The following CELF2 variants were observed in gnomAD, a reference collection of about 807,000 sequenced individuals.
The protein encoded by CELF2 is CUG triplet repeat RNA-binding protein 2.
CELF2 carries 8 observed loss-of-function variants against 62.6 expected under a neutral mutation model. The ratio of observed to expected loss-of-function variants is 0.13; its 90% CI spans 0.07 to 0.23. CELF2 has a LOEUF of 0.23. Among genes scored for constraint, CELF2 ranks in the 10% least tolerant of loss-of-function variants. The pLI is 1.00. For synonymous variants in CELF2, 258 were observed against 250.0 expected (o/e 1.03, Z -0.30); for missense variants, 333 against 671.0 (o/e 0.50, Z 5.56).
At chr10:10,544,104 C>T in the CELF2 span, among the ~76,000 whole-genome samples, 13 of 152,294 alleles carry the variant, frequency 8.5e-5, no homozygotes, top group South Asian at 2.7e-3. Context: ...CAGCATTCCA[C>T]CTATGAACGT....
At chr10:10,561,973 T>G in the CELF2 span, among the ~76,000 whole-genome samples, 4 of 152,166 alleles carry the variant, frequency 2.6e-5, no homozygotes, top group Non-Finnish European at 5.9e-5. Context: ...TAGAGAGTGA[T>G]GCGATACCAG....
At chr10:10,691,727 T>C in the CELF2 span, among the ~76,000 whole-genome samples, 2 of 146,426 alleles carry the variant, frequency 1.4e-5, no homozygotes, top group Non-Finnish European at 3.0e-5. Flanking sequence ...TATCTCATTG[T>C]GGTTTTGATT....
At chr10:11,085,431 A>G (rs1393880280) in intron 1 of CELF2, among the ~76,000 whole-genome samples, 1 of 152,248 alleles carries the variant, frequency 6.6e-6, no homozygotes, top group Non-Finnish European at 1.5e-5. Flanking sequence ...GTGAATGAAG[A>G]GTCCAGGAGA....
chr10:10,527,319 C>T, the CELF2 span, among the ~76,000 whole-genome samples: 9 of 152,056 alleles, frequency 5.9e-5, no homozygotes, highest in Admixed American at 5.2e-4. Flanking sequence ...GTGGCATGCG[C>T]CTGTAGTCCA....
rs988221270 is a variant in CELF2, at chr10:11,098,075, A to G, written c.75-67411A>G. 2 of 152,410 alleles carry G rather than the reference A, an allele frequency of 1.3e-5. No homozygotes were observed. Among genetic ancestry groups the G allele is most frequent in the Non-Finnish European group, 2.9e-5 (2 of 68,166 alleles). The allele number at this position is 152,410 out of a possible 1,614,324, so 9.4% of individuals were successfully genotyped here. ...AGGGCTGTCCCTGGGTACTCACCAG[A>G]AAAGCAAATTCAGGATGATGTGAGA... On this transcript the variant is annotated intron_variant, in intron 1 of 12. Transcript: ENST00000633077. This position sits in a 1 kb window ranked among gnomAD's most constrained non-coding sequence, Gnocchi z 4.0.
At chr10:10,577,252 G>C in the CELF2 span, among the ~76,000 whole-genome samples, 1 of 152,050 alleles carries the variant, frequency 6.6e-6, no homozygotes, top group Non-Finnish European at 1.5e-5. Context: ...TCCTTAGTAG[G>C]GAGGAATCAA....
the CELF2 span, among the ~76,000 whole-genome samples, chr10:10,773,165 A>G: frequency 6.6e-6 from 1 of 152,200 alleles, no homozygotes; most frequent in South Asian, 2.1e-4. Context: ...CTAAGGAAGA[A>G]TATGAAACGG....
chr10:10,491,973 C>T, the CELF2 span, among the ~76,000 whole-genome samples: 1 of 152,108 alleles, frequency 6.6e-6, no homozygotes, highest in Non-Finnish European at 1.5e-5. Flanking sequence ...CTCTCTTTCC[C>T]ACTTTCCCAT....
At chr10:10,588,874 T>G in the CELF2 span, among the ~76,000 whole-genome samples, 1 of 152,216 alleles carries the variant, frequency 6.6e-6, no homozygotes, top group Non-Finnish European at 1.5e-5. Context: ...CACCCACTTA[T>G]GTTGAAGTGC....
intron 3 of CELF2, among the ~76,000 whole-genome samples, chr10:11,240,383 A>G (rs2073399056): frequency 6.6e-6 from 1 of 152,258 alleles, no homozygotes; most frequent in South Asian, 2.1e-4. Flanking sequence ...ATACACCACA[A>G]AATGTAAGAT....
intron 2 of CELF2, among the ~76,000 whole-genome samples, chr10:10,954,461 A>T (rs1479184203): frequency 6.6e-6 from 1 of 152,006 alleles, no homozygotes; most frequent in Non-Finnish European, 1.5e-5. Context: ...TTGGTCAGGC[A>T]GGTCCCGAAC....
At chr10:10,956,442 GGCCACAATTT>G (rs1288746118) in intron 2 of CELF2, among the ~76,000 whole-genome samples, 1 of 152,134 alleles carries the variant, frequency 6.6e-6, no homozygotes, top group African/African-American at 2.4e-5. Context: ...GCCATCAGAT[GGCCACAATTT>G]TGGAAGCAGC....
the CELF2 span, among the ~76,000 whole-genome samples, chr10:10,522,324 C>T: frequency 6.6e-6 from 1 of 152,314 alleles, no homozygotes; most frequent in Middle Eastern, 3.4e-3. Context: ...TGAGCCTAAA[C>T]AGACAAACTA....
At chr10:10,511,278 G>A in the CELF2 span, among the ~76,000 whole-genome samples, 1 of 152,112 alleles carries the variant, frequency 6.6e-6, no homozygotes, top group Non-Finnish European at 1.5e-5. Flanking sequence ...GGGCATGGTG[G>A]TGGTCACCTG....
At chr10:10,691,167 C>T in the CELF2 span, among the ~76,000 whole-genome samples, 1,250 of 151,898 alleles carry the variant, frequency 8.2e-3, 5 homozygotes, top group African/African-American at 0.011. Context: ...TCCCCCCACC[C>T]CACAACAGTC....
rs370662995 is a variant in CELF2, at chr10:11,288,405, C to T, written c.842-13C>T. 84 of 1,613,144 alleles carry T rather than the reference C, an allele frequency of 5.2e-5. No homozygotes were observed. In the African/African-American group the frequency reaches 1.1e-3, roughly 21 times the overall value. On this transcript the variant is annotated splice_polypyrimidine_tract_variant and intron_variant, in intron 8 of 12. Transcript: ENST00000633077. ...GGCCTGTTGCTGAAAGTAACTTTCT[C>T]TTCCCTCCACAGGCATGAATGCTTT...
the CELF2 span, among the ~76,000 whole-genome samples, chr10:10,793,253 A>C: frequency 6.6e-6 from 1 of 152,218 alleles, no homozygotes; most frequent in Non-Finnish European, 1.5e-5. Flanking sequence ...TTGTGAGCAA[A>C]ACATGAAAGC....
intron 1 of CELF2, among the ~76,000 whole-genome samples, chr10:10,857,569 G>T (rs10905846): frequency 0.057 from 8,384 of 146,710 alleles, 415 homozygotes; most frequent in East Asian, 0.22. Flanking sequence ...ATTACTAGAT[G>T]TACTGAACTG....
chr10:10,664,819 A>G, the CELF2 span, among the ~76,000 whole-genome samples: 1 of 152,214 alleles, frequency 6.6e-6, no homozygotes, highest in Non-Finnish European at 1.5e-5. Context: ...TTTCATCACA[A>G]AGACAGAAAT....
Sources: gnomAD v4.1 joint callset for allele counts (sites outside exome capture counted in the v4.1 genomes callset) on GRCh38, gnomAD v4.1.1 for gene constraint, Gnocchi (gnomAD v3.1) non-coding constraint, MANE v1.5 for transcripts, NCBI Gene and HGNC (gene_info 2026-07-23, HGNC 2026-07-21) for gene names.